The following FER1L6 variants were observed in gnomAD, a reference collection of about 807,000 sequenced individuals.
The protein encoded by FER1L6 is fer-1-like protein 6.
FER1L6 carries 177 observed loss-of-function variants against 219.2 expected under a neutral mutation model. The ratio of observed to expected loss-of-function variants is 0.81; its 90% CI spans 0.71 to 0.91. The LOEUF (loss-of-function observed/expected upper bound fraction) is 0.91. Ranked by LOEUF, FER1L6 falls within the 40% of genes least tolerant of loss-of-function variation. The pLI is 0.00. For synonymous variants in FER1L6, 768 were observed against 824.3 expected, an observed-to-expected ratio of 0.93 and a Z score of 1.17; for missense variants, 2,153 against 2,259.9, an observed-to-expected ratio of 0.95 and a Z score of 0.96.
intron 38 of FER1L6, among the ~76,000 whole-genome samples, chr8:124,102,718 C>T (rs7815768): frequency 0.81 from 122,720 of 152,086 alleles, 49,781 homozygotes; most frequent in Non-Finnish European, 0.86. Flanking sequence ...GACTAGTGTC[C>T]GACCTGGAGG....
intron 15 of FER1L6, among the ~76,000 whole-genome samples, chr8:124,015,203 G>A (rs1393888378): frequency 6.6e-6 from 1 of 152,044 alleles, no homozygotes; most frequent in African/African-American, 2.4e-5. Context: ...CACTCTTGAC[G>A]GTTCTGTTAG....
At chr8:124,003,451 CTTTTTTTTTTTTTTT>C (rs71289633) in intron 13 of FER1L6, 104 bp downstream of exon 13, 346 of 111,732 alleles carry the variant, frequency 3.1e-3, no homozygotes, top group Middle Eastern at 0.012. Context: ...CAGAAATGTC[CTTTTTTTTTTTTTTT>C]TTTTTTTTTT....
At chr8:124,039,326 G>A (rs1453714422) in intron 19 of FER1L6, among the ~76,000 whole-genome samples, 3 of 152,154 alleles carry the variant, frequency 2.0e-5, no homozygotes, top group Non-Finnish European at 2.9e-5. Flanking sequence ...GTCAATGGAT[G>A]ACTTGAGACA....
At chr8:123,926,994 A>G (rs1211832272) in intron 1 of FER1L6, among the ~76,000 whole-genome samples, 1 of 152,098 alleles carries the variant, frequency 6.6e-6, no homozygotes, top group Non-Finnish European at 1.5e-5. Context: ...GATTTATTTC[A>G]CATTTATTAT....
At chr8:123,978,818 A>G (rs1262051853) in intron 10 of FER1L6, among the ~76,000 whole-genome samples, 1 of 152,220 alleles carries the variant, frequency 6.6e-6, no homozygotes, top group African/African-American at 2.4e-5. Context: ...GAGAGGCCTC[A>G]GTAAATAAAT....
chr8:123,917,835 G>A (rs1239781897), intron 1 of FER1L6, among the ~76,000 whole-genome samples: 1 of 152,152 alleles, frequency 6.6e-6, no homozygotes, highest in Admixed American at 6.5e-5. Context: ...ACATACACAG[G>A]AAGTTTTATT....
At chr8:123,921,250 G>C (rs1418940362) in intron 1 of FER1L6, among the ~76,000 whole-genome samples, 1 of 152,074 alleles carries the variant, frequency 6.6e-6, no homozygotes, top group Non-Finnish European at 1.5e-5. Context: ...TTAATTTTTT[G>C]AGTAACCGCC....
At chr8:124,080,781 G>A (rs1420673854) in intron 32 of FER1L6, among the ~76,000 whole-genome samples, 1 of 152,156 alleles carries the variant, frequency 6.6e-6, no homozygotes, top group East Asian at 1.9e-4. Flanking sequence ...TAATGGTGAT[G>A]GCTCAGGGGC....
chr8:123,985,124 CCTT>C (rs1225436292), intron 11 of FER1L6: 1 of 152,186 alleles, frequency 6.6e-6, no homozygotes, highest in Non-Finnish European at 1.5e-5. Flanking sequence ...ACTGTGGACT[CCTT>C]GAGAAGGCAG....
intron 13 of FER1L6, among the ~76,000 whole-genome samples, chr8:124,009,698 G>A (rs112248892): frequency 0.012 from 1,884 of 152,202 alleles, 19 homozygotes; most frequent in Non-Finnish European, 0.022. Context: ...CATTGATCGG[G>A]AGGTCCAGGA....
At chr8:124,113,500 C>T (rs1050695598) in intron 39 of FER1L6, among the ~76,000 whole-genome samples, 3 of 152,064 alleles carry the variant, frequency 2.0e-5, no homozygotes, top group Non-Finnish European at 4.4e-5. Context: ...ATAATGATTC[C>T]CTAATATAAT....
At chr8:124,106,183 G>A (rs1360195691) in intron 39 of FER1L6, among the ~76,000 whole-genome samples, 1 of 151,958 alleles carries the variant, frequency 6.6e-6, no homozygotes, top group Non-Finnish European at 1.5e-5. Context: ...CAAAAAATTA[G>A]CTGGGCGTGG....
chr8:123,967,965 A>C (rs1436073941), intron 5 of FER1L6, among the ~76,000 whole-genome samples: 2 of 152,124 alleles, frequency 1.3e-5, no homozygotes, highest in Non-Finnish European at 1.5e-5. Flanking sequence ...CAGGAAAAAA[A>C]AAAAAATCTT....
At chr8:123,976,540 G>A (rs1299543132) in intron 9 of FER1L6, among the ~76,000 whole-genome samples, 1 of 151,948 alleles carries the variant, frequency 6.6e-6, no homozygotes, top group Non-Finnish European at 1.5e-5. Context: ...GCAACGGGAT[G>A]TGGCAGGGAA....
At chr8:123,957,856 C>T (rs1200458621) in intron 2 of FER1L6, among the ~76,000 whole-genome samples, 1 of 152,194 alleles carries the variant, frequency 6.6e-6, no homozygotes, top group African/African-American at 2.4e-5. Flanking sequence ...TAAACAGCAT[C>T]CATCCTGCTG....
rs779012175 is a variant in FER1L6, at chr8:123,936,462, G to GTTTTT, written c.-7-19510_-7-19506dup. On this transcript the variant is annotated intron_variant, in intron 1 of 40. Transcript: ENST00000522917. The stretch of plus-strand genomic sequence containing the variant: ...TTTAGATAAAAGATAATTGCAGCCT[G>GTTTTT]TTTTTTTTTTTTTTTTTTTTTTTTG... 3.3e-3 allele frequency among the ~76,000 whole-genome samples: 325 copies of GTTTTT among 97,910 alleles called. 23 individuals carry two copies. The highest frequency in any genetic ancestry group is 8.6e-3 in the African/African-American group (219 of 25,576). The allele number at this position is 97,910 out of a possible 152,430, so 64.2% of individuals were successfully genotyped here. A position where few individuals can be genotyped will look rare whatever the true frequency, so the allele number is the denominator to read the frequency against.
intron 1 of FER1L6, among the ~76,000 whole-genome samples, chr8:123,879,232 G>A (rs1817062514): frequency 6.6e-6 from 1 of 152,160 alleles, no homozygotes; most frequent in South Asian, 2.1e-4. Context: ...GAGCTCAGTG[G>A]TTTGAGGCTT....
At chr8:123,889,440 A>C (rs1812600008) in intron 1 of FER1L6, among the ~76,000 whole-genome samples, 3 of 152,152 alleles carry the variant, frequency 2.0e-5, no homozygotes, top group Non-Finnish European at 4.4e-5. Flanking sequence ...GATATGGGGA[A>C]ATATGTTTCT....
chr8:123,990,710 T>C (rs1046521652), intron 12 of FER1L6, among the ~76,000 whole-genome samples: 3 of 152,216 alleles, frequency 2.0e-5, no homozygotes, highest in African/African-American at 7.2e-5. Context: ...GTGTGGAAGC[T>C]TTTTAGTTTA....
Sources: allele counts gnomAD v4.1 joint callset (sites outside exome capture counted in the v4.1 genomes callset), GRCh38; gene constraint gnomAD v4.1.1; transcripts MANE v1.5; gene names NCBI Gene and HGNC (gene_info 2026-07-23, HGNC 2026-07-21).